Variants in MINK1 observed in about 807,000 individuals in gnomAD.
The protein encoded by MINK1 is misshapen-like kinase 1.
MINK1 carries 46 observed loss-of-function variants against 178.4 expected under a neutral mutation model. The observed-to-expected ratio is 0.26, with a 90% CI of 0.20 to 0.33. MINK1 has a LOEUF of 0.33. Among genes scored for constraint, MINK1 ranks in the 10% least tolerant of loss-of-function variants. The probability of loss-of-function intolerance (pLI) is 1.00; values close to 1 mark genes in which losing one functional copy is unlikely to be tolerated. For synonymous variants in MINK1, 797 were observed against 709.7 expected, an observed-to-expected ratio of 1.12 and a Z score of -1.96; for missense variants, 1,366 against 1,814.9, an observed-to-expected ratio of 0.75 and a Z score of 4.49.
At chr17:4,881,684 C>T (rs145035851) in intron 4 of MINK1, among the ~76,000 whole-genome samples, 11,347 of 152,340 alleles carry the variant, frequency 0.074, 464 homozygotes, top group Non-Finnish European at 0.094. Flanking sequence ...GCCCAGACCC[C>T]TCCCAGAACC....
In MINK1 at chr17:4,833,731, C is replaced by A; in HGVS notation, c.57+91C>A. On this transcript the variant is annotated intron_variant, in intron 1 of 31. Coordinates refer to ENST00000355280, the MANE Select transcript of MINK1 (RefSeq NM_153827.5). The surrounding 1 kb of genome is among the most constrained non-coding windows in gnomAD (Gnocchi z 4.8). ...GCTGCACGCCTCACGTGCTCCCGGG[C>A]GCCCCCTCCACCAGCTTGGGTCCCC... The A allele has an allele frequency of 8.8e-7, 1 of 1,135,264 alleles. No homozygotes were observed. The highest frequency in any genetic ancestry group is 1.7e-5 in the South Asian group (1 of 58,036). 70.3% of individuals were successfully genotyped at this position (1,135,264 alleles called of 1,614,324 possible).
At chr17:4,859,902 A>AT (rs1913859297) in intron 1 of MINK1, among the ~76,000 whole-genome samples, 2 of 151,632 alleles carry the variant, frequency 1.3e-5, no homozygotes, top group Non-Finnish European at 2.9e-5. Context: ...TTTCATCTAC[A>AT]TGCAAAACCA....
At chr17:4,893,696 G>A (rs1969116901) in intron 21 of MINK1, 99 bp downstream of exon 21, 2 of 1,423,398 alleles carry the variant, frequency 1.4e-6, no homozygotes, top group Non-Finnish European at 1.9e-6. Context: ...GTCTGAGGGA[G>A]AGCGGCTCCC....
rs1379863045 is a variant in MINK1 at position 4,833,736 on chromosome 17, C to A, written c.57+96C>A. 2 of 1,070,704 alleles carry A rather than the reference C, an allele frequency of 1.9e-6. No homozygotes were observed. Among genetic ancestry groups the A allele is most frequent in the Admixed American group, 7.3e-5 (2 of 27,398 alleles). The allele number at this position is 1,070,704 out of a possible 1,614,324, so 66.3% of individuals were successfully genotyped here. A position where few individuals can be genotyped will look rare whatever the true frequency, so the allele number is the denominator to read the frequency against. ...ACGCCTCACGTGCTCCCGGGCGCCC[C>A]CTCCACCAGCTTGGGTCCCCTTGGC... On this transcript the variant is annotated intron_variant, in intron 1 of 31. Transcript: ENST00000355280. This position sits in a 1 kb window ranked among gnomAD's most constrained non-coding sequence, Gnocchi z 4.8.
chr17:4,867,845 A>G (rs752575752), intron 1 of MINK1, among the ~76,000 whole-genome samples: 4 of 152,176 alleles, frequency 2.6e-5, no homozygotes, highest in Admixed American at 6.6e-5. Context: ...ATACATAATT[A>G]TACATATTGA....
intron 1 of MINK1, among the ~76,000 whole-genome samples, chr17:4,843,894 C>T (rs1017188269): frequency 3.9e-5 from 6 of 152,052 alleles, no homozygotes; most frequent in African/African-American, 9.7e-5. Context: ...CCTGCTCCCA[C>T]GTGGCGGTGG....
chr17:4,892,854 A>C, intron 19 of MINK1, 86 bp downstream of exon 19: 13 of 1,404,942 alleles, frequency 9.3e-6, no homozygotes, highest in Non-Finnish European at 1.3e-5. Flanking sequence ...GGACTGGGGC[A>C]CCCACACGGA....
chr17:4,869,825 A>G (rs1247461990), intron 1 of MINK1, among the ~76,000 whole-genome samples: 12 of 13,586 alleles, frequency 8.8e-4, no homozygotes, highest in South Asian at 2.0e-3. Context: ...TTATTTGTTT[A>G]TTTATTTATT....
chr17:4,870,213 A>AT (rs758815938), intron 1 of MINK1, among the ~76,000 whole-genome samples: 2,003 of 123,574 alleles, frequency 0.016, 43 homozygotes, highest in African/African-American at 0.043. Flanking sequence ...CGCCCGGCCA[A>AT]TTTTTTTTTT....
At chr17:4,855,995 G>C (rs1913062751) in intron 1 of MINK1, among the ~76,000 whole-genome samples, 1 of 151,222 alleles carries the variant, frequency 6.6e-6, no homozygotes, top group Admixed American at 6.6e-5. Context: ...AAAAAGTCCA[G>C]TTGATGGTGG....
At chr17:4,856,605 G>C (rs962560668) in intron 1 of MINK1, among the ~76,000 whole-genome samples, 7 of 152,154 alleles carry the variant, frequency 4.6e-5, no homozygotes, top group African/African-American at 1.7e-4. Flanking sequence ...CTCCACAGGG[G>C]TATGGACAGG....
intron 1 of MINK1, among the ~76,000 whole-genome samples, chr17:4,872,060 G>A (rs914053920): frequency 1.8e-4 from 28 of 152,188 alleles, no homozygotes; most frequent in African/African-American, 6.5e-4. Flanking sequence ...GCTGGGTACA[G>A]TGGCTCACTC....
Position 4,895,623 on chromosome 17 carries a change from A to T in MINK1, c.3230-75A>T. The stretch of plus-strand genomic sequence containing the variant: ...TTCTCACCCCTTGTGGTATGCTGAC[A>T]GAGGAGGCCAGGGCGGTGGCATTCG... On this transcript the variant is annotated intron_variant, in intron 26 of 31. Coordinates refer to ENST00000355280, the MANE Select transcript of MINK1 (RefSeq NM_153827.5). The surrounding 1 kb of genome is among the most constrained non-coding windows in gnomAD (Gnocchi z 4.3). 3 of 1,576,466 alleles carry T rather than the reference A, an allele frequency of 1.9e-6. No homozygotes were observed. The highest frequency in any genetic ancestry group is 2.6e-6 in the Non-Finnish European group (3 of 1,158,378).
intron 4 of MINK1, among the ~76,000 whole-genome samples, chr17:4,883,852 C>G (rs1597523379): frequency 6.6e-6 from 1 of 151,310 alleles, no homozygotes; most frequent in East Asian, 2.0e-4. Context: ...AGCAGTAGTT[C>G]TTAACCGCTG....
intron 1 of MINK1, among the ~76,000 whole-genome samples, chr17:4,853,370 A>G (rs1179052904): frequency 4.8e-5 from 2 of 41,302 alleles, no homozygotes; most frequent in African/African-American, 1.1e-4. Context: ...GGTTGGGGGG[A>G]GTGTGGTTGG....
In MINK1 at chr17:4,891,701, CGAG is replaced by C; in HGVS notation, c.1988_1990del (p.Glu663del). 1 of 1,602,584 alleles carries C rather than the reference CGAG, an allele frequency of 6.2e-7. No homozygotes were observed. Among genetic ancestry groups the C allele is most frequent in the Non-Finnish European group, 8.5e-7 (1 of 1,175,202 alleles). On this transcript the variant is annotated inframe_deletion, in exon 16 of 32. Transcript: ENST00000355280. ...CCCCAGCCTGGGTCCGCCCAGATAACGAGGCCCCACCCAAGGTAAGGACAGTTC... is the reference window on the plus strand; with the variant it reads ...CCCCAGCCTGGGTCCGCCCAGATAACGCCCCACCCAAGGTAAGGACAGTTC...
chr17:4,852,783 TGATG>T (rs1292922907), intron 1 of MINK1, among the ~76,000 whole-genome samples: 307 of 11,394 alleles, frequency 0.027, 68 homozygotes, highest in Middle Eastern at 0.12. Flanking sequence ...GGAGTGTGGT[TGATG>T]GGTGGAGTGT....
At position 4,897,321 on chromosome 17, in the gene MINK1, C is replaced by T. The variant is rs1417125939; in HGVS notation, c.*34C>T. The T allele has an allele frequency of 6.3e-7, 1 of 1,592,380 alleles. No homozygotes were observed. Among genetic ancestry groups the T allele is most frequent in the Admixed American group, 1.7e-5 (1 of 59,456 alleles). On this transcript the variant is annotated 3_prime_UTR_variant, in exon 32 of 32. Transcript: ENST00000355280. ...TGGGCTGGGGCTGTCCCACACTGGA[C>T]CCAGCTCTCCCCCTGCAGCCAGGCT...
chr17:4,891,278 C>T (rs1256091212), intron 15 of MINK1, among the ~76,000 whole-genome samples, 154 bp downstream of exon 15: 2 of 152,314 alleles, frequency 1.3e-5, no homozygotes, highest in African/African-American at 2.4e-5. Context: ...GACAGACTCA[C>T]TCACCTGCTT....
Sources: allele counts gnomAD v4.1 joint callset (sites outside exome capture counted in the v4.1 genomes callset), GRCh38; gene constraint gnomAD v4.1.1; non-coding constraint Gnocchi (gnomAD v3.1); transcripts MANE v1.5; gene names NCBI Gene and HGNC (gene_info 2026-07-23, HGNC 2026-07-21).